TRPC5: variants seen among roughly 807,000 people sequenced by gnomAD.
TRPC5 encodes transient receptor potential cation channel subfamily C member 5.
A neutral mutation model predicts 56.5 loss-of-function variants in TRPC5; 9 were observed. The ratio of observed to expected loss-of-function variants is 0.16; its 90% CI spans 0.10 to 0.28. The LOEUF (loss-of-function observed/expected upper bound fraction) is 0.28, where lower values mean the gene tolerates loss of function less well. TRPC5 is among the 10% of genes least tolerant of loss of function. The pLI, the probability that TRPC5 is intolerant of heterozygous loss-of-function variation, is 1.00. For missense variants in TRPC5, 469 were observed against 748.9 expected, an observed-to-expected ratio of 0.63 and a Z score of 4.36; for synonymous variants, 282 against 278.5, an observed-to-expected ratio of 1.01 and a Z score of -0.13.
At chrX:112,079,730 C>G (rs1194887912) in intron 1 of TRPC5, among the ~76,000 whole-genome samples, 1 of 111,829 alleles carries the variant, frequency 8.9e-6, no homozygotes, top group African/African-American at 3.3e-5. Flanking sequence ...AGGATTATAG[C>G]TCTTGTGGCT....
intron 3 of TRPC5, among the ~76,000 whole-genome samples, chrX:111,900,084 G>A (rs1048456662): frequency 1.8e-5 from 2 of 111,609 alleles, no homozygotes; most frequent in African/African-American, 6.5e-5. Context: ...AAAAGGCCCT[G>A]TGAAGACCAG....
At chrX:111,871,467 G>A (rs1217111681) in intron 3 of TRPC5, among the ~76,000 whole-genome samples, 1 of 111,023 alleles carries the variant, frequency 9.0e-6, no homozygotes, top group Non-Finnish European at 1.9e-5. Flanking sequence ...CTCCCTGGCT[G>A]GATTACCTTG....
intron 1 of TRPC5, among the ~76,000 whole-genome samples, chrX:111,962,897 G>A (rs866557816): frequency 8.9e-6 from 1 of 112,067 alleles, no homozygotes; most frequent in Non-Finnish European, 1.9e-5. Context: ...CCCAATGTGA[G>A]TGATGCAGAA....
At chrX:111,856,896 G>A (rs150214573) in intron 3 of TRPC5, among the ~76,000 whole-genome samples, 19 of 109,385 alleles carry the variant, frequency 1.7e-4, no homozygotes, top group African/African-American at 6.0e-4. Context: ...GTGTGTGTGC[G>A]TATGTAAAGT....
chrX:111,838,177 C>T (rs1297922020), intron 6 of TRPC5, among the ~76,000 whole-genome samples: 3 of 111,309 alleles, frequency 2.7e-5, no homozygotes, highest in East Asian at 2.8e-4. Flanking sequence ...GTCAGGGAAA[C>T]GTTATGGATA....
chrX:111,977,078 T>C (rs1927949381), intron 1 of TRPC5, among the ~76,000 whole-genome samples: 1 of 110,929 alleles, frequency 9.0e-6, no homozygotes, highest in Admixed American at 9.6e-5. Flanking sequence ...CCCAAAGTGA[T>C]CTACAGATTC....
At chrX:111,921,695 A>T (rs1454009663) in intron 2 of TRPC5, among the ~76,000 whole-genome samples, 2 of 111,614 alleles carry the variant, frequency 1.8e-5, no homozygotes, top group African/African-American at 6.5e-5. Context: ...ATTATCTATA[A>T]CTGTACTTCT....
chrX:111,784,626 CACCCAGG>C (rs989501056), intron 7 of TRPC5, among the ~76,000 whole-genome samples: 1 of 112,344 alleles, frequency 8.9e-6, no homozygotes, highest in Non-Finnish European at 1.9e-5. Flanking sequence ...GGTGTCACCT[CACCCAGG>C]AAGCACAAGG....
chrX:112,060,784 C>T (rs748506845), intron 1 of TRPC5, among the ~76,000 whole-genome samples: 1 of 112,500 alleles, frequency 8.9e-6, no homozygotes, highest in South Asian at 3.7e-4. Context: ...TGACTGAAAA[C>T]CATCAACAGA....
intron 3 of TRPC5, among the ~76,000 whole-genome samples, chrX:111,885,945 A>G (rs1924470366): frequency 8.9e-6 from 1 of 111,821 alleles, no homozygotes; most frequent in Non-Finnish European, 1.9e-5. Context: ...ACTTGAACCT[A>G]GGTTTCTCTG....
chrX:111,864,381 G>T (rs774229725), intron 3 of TRPC5, among the ~76,000 whole-genome samples: 1 of 112,494 alleles, frequency 8.9e-6, no homozygotes, highest in South Asian at 3.7e-4. Context: ...GCCTCAGGCA[G>T]CCTTCATATT....
intron 7 of TRPC5, among the ~76,000 whole-genome samples, chrX:111,786,412 G>A (rs1396386079): frequency 9.0e-6 from 1 of 111,521 alleles, no homozygotes; most frequent in African/African-American, 3.3e-5. Flanking sequence ...GCTACTGAAT[G>A]AAGCACTAAA....
chrX:111,831,480 T>G (rs1922405364), intron 7 of TRPC5, among the ~76,000 whole-genome samples: 1 of 111,927 alleles, frequency 8.9e-6, no homozygotes, highest in South Asian at 3.8e-4. Flanking sequence ...TAGTCTTGCC[T>G]GCTATCTTGT....
chrX:111,964,516 T>A (rs1927498313), intron 1 of TRPC5, among the ~76,000 whole-genome samples: 1 of 111,448 alleles, frequency 9.0e-6, no homozygotes, highest in South Asian at 3.8e-4. Flanking sequence ...CCAAGGCACA[T>A]AATTGTCAGA....
At chrX:112,053,657 T>G (rs1246713642) in intron 1 of TRPC5, among the ~76,000 whole-genome samples, 1 of 111,295 alleles carries the variant, frequency 9.0e-6, no homozygotes. Flanking sequence ...GTGTAAGGGA[T>G]GGCTTGAATG....
intron 3 of TRPC5, among the ~76,000 whole-genome samples, chrX:111,854,540 GT>G (rs1204183255): frequency 9.0e-6 from 1 of 111,170 alleles, no homozygotes; most frequent in East Asian, 2.8e-4. Context: ...CTGGGTAGCT[GT>G]TTTACAAACT....
chrX:111,839,756 G>A (rs1400747477), intron 6 of TRPC5, among the ~76,000 whole-genome samples: 3 of 110,023 alleles, frequency 2.7e-5, no homozygotes, highest in African/African-American at 9.9e-5. Context: ...TCACTCTGTT[G>A]TCCAGGCTGG....
chrX:111,850,681 G>C (rs1292422251), intron 5 of TRPC5, among the ~76,000 whole-genome samples: 3 of 111,907 alleles, frequency 2.7e-5, no homozygotes, highest in African/African-American at 9.8e-5. Context: ...GCCAGTTAAG[G>C]GGCATTTACC....
At chrX:111,816,320 C>T (rs924034129) in intron 7 of TRPC5, among the ~76,000 whole-genome samples, 6 of 112,000 alleles carry the variant, frequency 5.4e-5, no homozygotes, top group Admixed American at 2.8e-4. Context: ...TCACCAACCA[C>T]GAGCATTTAG....
Sources: allele counts gnomAD v4.1 joint callset (sites outside exome capture counted in the v4.1 genomes callset), GRCh38; gene constraint gnomAD v4.1.1; transcripts MANE v1.5; gene names NCBI Gene and HGNC (gene_info 2026-07-23, HGNC 2026-07-21).